The following MYO7B variants were observed in gnomAD, a reference collection of about 807,000 sequenced individuals.
MYO7B encodes the protein unconventional myosin-VIIb.
Under a neutral mutation model 259.7 loss-of-function variants are expected in MYO7B, and 212 were observed. That is an observed-to-expected ratio of 0.82 (90% CI 0.73 to 0.91). MYO7B has a LOEUF of 0.91. Ranked by LOEUF, MYO7B falls within the 40% of genes least tolerant of loss-of-function variation. MYO7B has a pLI of 0.00. For synonymous variants in MYO7B, 1,197 were observed against 1,166.4 expected (o/e 1.03, Z -0.54); for missense variants, 2,732 against 2,813.5 (o/e 0.97, Z 0.66).
chr2:127,611,977 C>T lies in MYO7B; in HGVS notation c.3193-273C>T, dbSNP rs1002875855. Among the ~76,000 whole-genome samples the T allele has an allele frequency of 6.6e-6, 1 of 152,188 alleles. No homozygotes were observed. Among genetic ancestry groups the T allele is most frequent in the Non-Finnish European group, 1.5e-5 (1 of 68,026 alleles). On this transcript the variant is annotated intron_variant, in intron 24 of 47. Transcript: ENST00000409816. The surrounding 1 kb of genome is among the most constrained non-coding windows in gnomAD (Gnocchi z 5.4). Reference sequence around the variant, plus strand: ...GGGATCAGAACAGCCCTGAGCCCCTCCCTGGGGGCTGGTGACCCACTGAGC... The same window carrying T: ...GGGATCAGAACAGCCCTGAGCCCCTTCCTGGGGGCTGGTGACCCACTGAGC...
intron 5 of MYO7B, among the ~76,000 whole-genome samples, chr2:127,567,435 C>T (rs762627967): frequency 6.6e-6 from 1 of 152,172 alleles, no homozygotes; most frequent in Non-Finnish European, 1.5e-5. Flanking sequence ...CAGGTCCTGA[C>T]TGCTTCAGAG....
rs750019805 is a variant in MYO7B, at chr2:127,597,408, C to T, written c.2339+852C>T. Among the ~76,000 whole-genome samples, 26 of 152,294 alleles carry T rather than the reference C, an allele frequency of 1.7e-4. No homozygotes were observed. The highest frequency in any genetic ancestry group is 2.4e-4 in the Non-Finnish European group (16 of 68,022). ...CGTCTTACCACCAGGATTCCTTCTGCGGCCTTGTTTAGCCACGCCCCCTCC... is the reference window on the plus strand; with the variant it reads ...CGTCTTACCACCAGGATTCCTTCTGTGGCCTTGTTTAGCCACGCCCCCTCC... On this transcript the variant is annotated intron_variant, in intron 19 of 47. Transcript: ENST00000409816. The surrounding 1 kb of genome is among the most constrained non-coding windows in gnomAD (Gnocchi z 4.8).
At chr2:127,568,264 T>G (rs1678437834) in intron 5 of MYO7B, among the ~76,000 whole-genome samples, 1 of 152,324 alleles carries the variant, frequency 6.6e-6, no homozygotes, top group Admixed American at 6.5e-5. Context: ...CCAGGGAGCT[T>G]ACGGTGTGGC....
chr2:127,567,106 A>G lies in MYO7B; in HGVS notation c.470+279A>G, dbSNP rs1214744862. Among the ~76,000 whole-genome samples, 4 of 152,294 alleles carry G rather than the reference A, an allele frequency of 2.6e-5. No individual in the cohort carries two copies. In the South Asian group the frequency reaches 8.3e-4, roughly 32 times the overall value. ...GAAGGAAGTTGGGCTGGGTTCCTTTAGAAATGGGCCCCAGGAGTCGGGCAT... is the reference window on the plus strand; with the variant it reads ...GAAGGAAGTTGGGCTGGGTTCCTTTGGAAATGGGCCCCAGGAGTCGGGCAT... On this transcript the variant is annotated intron_variant, in intron 5 of 47. Coordinates refer to ENST00000409816, the MANE Select transcript of MYO7B (RefSeq NM_001393586.1).
In MYO7B at chr2:127,585,874, T is replaced by C. The variant is rs376125695; in HGVS notation, c.1690+961T>C. On this transcript the variant is annotated intron_variant, in intron 14 of 47. Coordinates refer to ENST00000409816, the MANE Select transcript of MYO7B (RefSeq NM_001393586.1). The surrounding 1 kb of genome is among the most constrained non-coding windows in gnomAD (Gnocchi z 4.3). ...CTTCTTGGCCATTTGCACGTCTTCT[T>C]TGGAGGGATGTCTATTTAAATGCTC... is the stretch of plus-strand genomic sequence containing the variant. Among the ~76,000 whole-genome samples, 4 of 152,204 alleles carry C rather than the reference T, an allele frequency of 2.6e-5. No individual in the cohort carries two copies. The highest frequency in any genetic ancestry group is 9.6e-5 in the African/African-American group (4 of 41,458).
rs150313125 is a variant in MYO7B, at chr2:127,611,584, G to A, written c.3193-666G>A. Among the ~76,000 whole-genome samples the A allele has an allele frequency of 2.6e-5, 4 of 152,266 alleles. No individual in the cohort carries two copies. Among genetic ancestry groups the A allele is most frequent in the Non-Finnish European group, 2.9e-5 (2 of 68,008 alleles). On this transcript the variant is annotated intron_variant, in intron 24 of 47. Coordinates refer to ENST00000409816, the MANE Select transcript of MYO7B (RefSeq NM_001393586.1). The surrounding 1 kb of genome is among the most constrained non-coding windows in gnomAD (Gnocchi z 5.4). The stretch of plus-strand genomic sequence containing the variant: ...TGTGTTTCATGGCCAGCCCCTGCAC[G>A]GTAAACCAGCTTTGACGCACCCAGG...
Position 127,637,494 on chromosome 2 carries a change from C to A in MYO7B, c.*77C>A. 1 of 1,118,728 alleles carries A rather than the reference C, an allele frequency of 8.9e-7. No homozygotes were observed. The highest frequency in any genetic ancestry group is 1.2e-6 in the Non-Finnish European group (1 of 802,540). The allele number at this position is 1,118,728 out of a possible 1,614,324, so 69.3% of individuals were successfully genotyped here. On this transcript the variant is annotated 3_prime_UTR_variant, in exon 48 of 48. Coordinates refer to ENST00000409816, the MANE Select transcript of MYO7B (RefSeq NM_001393586.1). ...CGGCACCTTCCCAGGCCCTCTCAAC[C>A]CAGGGCCTGTCCTTGGCGGGCAGCC...
rs192204741 is a variant in MYO7B, at chr2:127,624,138, G to C, written c.3865G>C (p.Ala1289Pro). 1.3e-6 allele frequency: 2 copies of C among 1,592,098 alleles called. No homozygotes were observed. Among genetic ancestry groups the C allele is most frequent in the East Asian group, 2.3e-5 (1 of 43,646 alleles). Residue 1289 changes from alanine (A) to proline (P), a missense_variant, in exon 30 of 48, where the codon GCC becomes CCC. Around this residue, in one of 3 missense-constraint regions of MYO7B, gnomAD observed 1,906 missense variants for 2,026.4 expected, o/e 0.94. Transcript: ENST00000409816. ...GCGCGACCACATGATGGATGCCATC[G>C]CCCGGTGTGAGCAGATGGCCCAGGA... ...SGRDHMMDAIARCEQMAQERG... is the reference protein window; with the variant it reads ...SGRDHMMDAIPRCEQMAQERG...
At chr2:127,623,943 T>C in intron 29 of MYO7B, 150 bp from the exon 30 acceptor site, 2 of 665,384 alleles carry the variant, frequency 3.0e-6, no homozygotes, top group South Asian at 3.8e-5. Flanking sequence ...CCTTCAGGTG[T>C]CCACACGGGC....
intron 19 of MYO7B, among the ~76,000 whole-genome samples, chr2:127,604,757 AAG>A (rs890681393): frequency 6.6e-5 from 10 of 152,186 alleles, no homozygotes; most frequent in African/African-American, 2.4e-4. Context: ...AAACAGAGAA[AAG>A]AGAGAGAGAT....
In MYO7B at chr2:127,609,015, C is replaced by T; in HGVS notation, c.2814+137C>T. 2 of 1,209,384 alleles carry T rather than the reference C, an allele frequency of 1.7e-6. No individual in the cohort carries two copies. Among genetic ancestry groups the T allele is most frequent in the Non-Finnish European group, 2.3e-6 (2 of 876,330 alleles). The allele number at this position is 1,209,384 out of a possible 1,614,324, so 74.9% of individuals were successfully genotyped here. On this transcript the variant is annotated intron_variant, in intron 22 of 47. Coordinates refer to ENST00000409816, the MANE Select transcript of MYO7B (RefSeq NM_001393586.1). The surrounding 1 kb of genome is among the most constrained non-coding windows in gnomAD (Gnocchi z 6.9). The stretch of plus-strand genomic sequence containing the variant: ...GTGTGTGCTGCAGCCCTGCTGGTCC[C>T]ACACGGAAGAGGGGAGCGTGCGTGG...
chr2:127,628,453 C>T lies in MYO7B; in HGVS notation c.4542C>T (p.Ile1514=), dbSNP rs772575169. 9 of 1,581,330 alleles carry T rather than the reference C, an allele frequency of 5.7e-6. No individual in the cohort carries two copies. The highest frequency in any genetic ancestry group is 1.3e-5 in the African/African-American group (1 of 74,470). Residue 1514 remains isoleucine, a synonymous_variant, in exon 34 of 48, where the codon ATC becomes ATT. Coordinates refer to ENST00000409816, the MANE Select transcript of MYO7B (RefSeq NM_001393586.1). The surrounding 1 kb of genome is among the most constrained non-coding windows in gnomAD (Gnocchi z 4.8). The part of the protein sequence containing the change: ...YEFVSPSSVA[I]AELVALFLEG... ...TTGTGTCACCCAGCAGTGTGGCCAT[C>T]GCTGAGCTGGTGGCCCTGTTCCTGG...
Position 127,628,314 on chromosome 2 carries a change from G to T in MYO7B, c.4461-58G>T. Reference sequence around the variant, plus strand: ...CAACCCCACCTCCCGAGGCTGTTTAGGGGCTGGATCAGGGGAAGGTGGAGG... The same window carrying T: ...CAACCCCACCTCCCGAGGCTGTTTATGGGCTGGATCAGGGGAAGGTGGAGG... On this transcript the variant is annotated intron_variant, in intron 33 of 47. Coordinates refer to ENST00000409816, the MANE Select transcript of MYO7B (RefSeq NM_001393586.1). The surrounding 1 kb of genome is among the most constrained non-coding windows in gnomAD (Gnocchi z 4.8). 6.4e-7 allele frequency: 1 copy of T among 1,551,868 alleles called. No individual in the cohort carries two copies. Among genetic ancestry groups the T allele is most frequent in the South Asian group, 1.2e-5 (1 of 84,662 alleles).
chr2:127,634,530 C>T, intron 41 of MYO7B, 66 bp from the exon 42 acceptor site: 1 of 1,404,602 alleles, frequency 7.1e-7, no homozygotes, highest in Non-Finnish European at 9.9e-7. Context: ...GACCAGAACC[C>T]AGCAGGTTCT....
chr2:127,599,136 A>AT (rs1361173249), intron 19 of MYO7B, among the ~76,000 whole-genome samples: 1 of 152,248 alleles, frequency 6.6e-6, no homozygotes, highest in Non-Finnish European at 1.5e-5. Flanking sequence ...ATAGGCTTGT[A>AT]TAGCAATTTG....
At chr2:127,552,795 C>T (rs1021146720) in intron 1 of MYO7B, among the ~76,000 whole-genome samples, 1 of 152,144 alleles carries the variant, frequency 6.6e-6, no homozygotes, top group African/African-American at 2.4e-5. Context: ...TCTTTTCCCA[C>T]CTGCCACCCC....
In MYO7B at chr2:127,586,587, C is replaced by T. The variant is rs1286706785; in HGVS notation, c.1690+1674C>T. Among the ~76,000 whole-genome samples, 1 of 152,176 alleles carries T rather than the reference C, an allele frequency of 6.6e-6. No homozygotes were observed. Among genetic ancestry groups the T allele is most frequent in the African/African-American group, 2.4e-5 (1 of 41,436 alleles). Reference sequence around the variant, plus strand: ...GGAAAAGGGAGAGGCTGGAGCCAGTCGGACCTGCAGGGTCCTGGGACGCAA... The same window carrying T: ...GGAAAAGGGAGAGGCTGGAGCCAGTTGGACCTGCAGGGTCCTGGGACGCAA... On this transcript the variant is annotated intron_variant, in intron 14 of 47. Transcript: ENST00000409816. The surrounding 1 kb of genome is among the most constrained non-coding windows in gnomAD (Gnocchi z 4.8).
At chr2:127,603,096 C>A (rs1218004403) in intron 19 of MYO7B, among the ~76,000 whole-genome samples, 1 of 152,092 alleles carries the variant, frequency 6.6e-6, no homozygotes, top group African/African-American at 2.4e-5. Flanking sequence ...ACTTCTAATT[C>A]TCTTGCTATT....
chr2:127,631,002 A>G (rs986278219), intron 36 of MYO7B, 94 bp downstream of exon 36: 2 of 1,390,358 alleles, frequency 1.4e-6, no homozygotes, highest in Non-Finnish European at 1.9e-6. Context: ...GCTCCACCTC[A>G]TTGCACCCAC....
Sources: gnomAD v4.1 joint callset for allele counts (sites outside exome capture counted in the v4.1 genomes callset) on GRCh38, gnomAD v4.1.1 for gene constraint, gnomAD v4.1.1 regional missense constraint, Gnocchi (gnomAD v3.1) non-coding constraint, MANE v1.5 for transcripts, NCBI Gene and HGNC (gene_info 2026-07-23, HGNC 2026-07-21) for gene names.